MRTFB: variants seen among roughly 807,000 people sequenced by gnomAD.
MRTFB encodes the protein myocardin related transcription factor B, also known as myocardin-related transcription factor B.
MRTFB carries 29 observed loss-of-function variants against 104.2 expected under a neutral mutation model. The ratio of observed to expected loss-of-function variants is 0.28; its 90% confidence interval spans 0.21 to 0.38. The LOEUF is 0.38. MRTFB is among the 10% of genes least tolerant of loss of function. The pLI is 1.00. For missense variants in MRTFB, 1,270 were observed against 1,341.6 expected, an observed-to-expected ratio of 0.95 and a Z score of 0.83; for synonymous variants, 535 against 519.5, an observed-to-expected ratio of 1.03 and a Z score of -0.41.
intron 9 of MRTFB, among the ~76,000 whole-genome samples, chr16:14,235,484 C>G (rs8049506): frequency 6.6e-6 from 1 of 152,218 alleles, no homozygotes; most frequent in African/African-American, 2.4e-5. Context: ...CTCTCCCTCT[C>G]TCTGAATGTC....
At chr16:14,037,099 C>A in the MRTFB span, among the ~76,000 whole-genome samples, 58 of 152,208 alleles carry the variant, frequency 3.8e-4, no homozygotes, top group Non-Finnish European at 6.5e-4. Context: ...CAGATGTGGC[C>A]GATGGGCCAC....
At chr16:14,214,614 A>G (rs2041337887) in intron 6 of MRTFB, among the ~76,000 whole-genome samples, 1 of 152,196 alleles carries the variant, frequency 6.6e-6, no homozygotes, top group Non-Finnish European at 1.5e-5. Context: ...GAGACCCAAC[A>G]AGTGAGCGAG....
In MRTFB at chr16:14,263,791, T is replaced by C. The variant is rs554144223; in HGVS notation, c.*2347T>C. ...ACCTTTATAAACCAGTATTTCACTT[T>C]TAAAAAGACAAGGCATCTCTACCCA... On this transcript the variant is annotated 3_prime_UTR_variant, in exon 17 of 17. Transcript: ENST00000571589. The C allele has an allele frequency of 6.6e-6, 1 of 152,318 alleles. No individual in the cohort carries two copies. Among genetic ancestry groups the C allele is most frequent in the South Asian group, 2.1e-4 (1 of 4,828 alleles). 9.4% of individuals were successfully genotyped at this position (152,318 alleles called of 1,614,324 possible).
chr16:14,070,811 A>C (rs1020097007), upstream of MRTFB, among the ~76,000 whole-genome samples: 2 of 152,236 alleles, frequency 1.3e-5, no homozygotes, highest in African/African-American at 4.8e-5. Context: ...AGACAACCCC[A>C]GATCCCAACA....
chr16:14,025,398 A>C, the MRTFB span, among the ~76,000 whole-genome samples: 1 of 152,122 alleles, frequency 6.6e-6, no homozygotes, highest in Admixed American at 6.5e-5. Flanking sequence ...TGCTCAGCCT[A>C]AGGATGAAGT....
At chr16:14,145,520 C>A (rs532336851) in intron 3 of MRTFB, among the ~76,000 whole-genome samples, 1 of 152,188 alleles carries the variant, frequency 6.6e-6, no homozygotes, top group South Asian at 2.1e-4. Context: ...CAGGATATTC[C>A]CACTATTGGA....
chr16:14,003,660 CCCTCCCTCCCTT>C, the MRTFB span, among the ~76,000 whole-genome samples: 6,741 of 38,384 alleles, frequency 0.18, 493 homozygotes, highest in African/African-American at 0.3. Flanking sequence ...CTCCCTCCCT[CCCTCCCTCCCTT>C]CCTTCCTTCC....
chr16:14,050,344 C>T, the MRTFB span, among the ~76,000 whole-genome samples: 1 of 152,182 alleles, frequency 6.6e-6, no homozygotes, highest in Non-Finnish European at 1.5e-5. Context: ...AAATTTACCT[C>T]TAACATGACC....
At chr16:14,058,464 C>A in the MRTFB span, among the ~76,000 whole-genome samples, 2 of 151,780 alleles carry the variant, frequency 1.3e-5, no homozygotes, top group Non-Finnish European at 2.9e-5. Context: ...GTTTGTTGTA[C>A]ACATCAATCT....
rs186734358 is a variant in MRTFB, at chr16:14,242,257, T to C, written c.1079+1773T>C. 4.6e-5 allele frequency among the ~76,000 whole-genome samples: 7 copies of C among 152,236 alleles called. No individual in the cohort carries two copies. In the East Asian group the frequency reaches 1.4e-3, roughly 29 times the overall value. On this transcript the variant is annotated intron_variant, in intron 10 of 16. Coordinates refer to ENST00000571589, the MANE Select transcript of MRTFB (RefSeq NM_001308142.2). ...GAAGAATCCATCAGAGGTGTGGGCT[T>C]GCTGAACTGTTACCAGTTCTTTGTC...
the MRTFB span, among the ~76,000 whole-genome samples, chr16:14,031,854 C>T: frequency 2.4e-3 from 362 of 152,272 alleles, 4 homozygotes; most frequent in African/African-American, 8.2e-3. Flanking sequence ...GTCACCCAGG[C>T]TGGAGTTCAG....
chr16:14,019,228 G>C, the MRTFB span: 2 of 152,216 alleles, frequency 1.3e-5, no homozygotes, highest in Non-Finnish European at 2.9e-5. Flanking sequence ...TCCTGGATCT[G>C]TGAATCCCGG....
chr16:14,214,181 G>T (rs779704805), intron 6 of MRTFB, among the ~76,000 whole-genome samples: 1 of 152,090 alleles, frequency 6.6e-6, no homozygotes, highest in Non-Finnish European at 1.5e-5. Flanking sequence ...TTAACACATG[G>T]GTCAGGCCAG....
At chr16:14,243,864 G>GTTTGTTTGTTTTTTTTTTTTTT (rs750881308) in intron 10 of MRTFB, among the ~76,000 whole-genome samples, 1 of 124,676 alleles carries the variant, frequency 8.0e-6, no homozygotes, top group African/African-American at 3.8e-5. Context: ...CCTGTTTTGG[G>GTTTGTTTGTTTTTTTTTTTTTT]TTTTTTTTTT....
intron 2 of MRTFB, among the ~76,000 whole-genome samples, chr16:14,101,671 C>G (rs1357708030): frequency 6.6e-6 from 1 of 152,110 alleles, no homozygotes; most frequent in Non-Finnish European, 1.5e-5. Flanking sequence ...TGACAAGATT[C>G]TGTTGAAGAG....
At chr16:14,258,586 G>C (rs2043619332) in intron 16 of MRTFB, among the ~76,000 whole-genome samples, 1 of 152,222 alleles carries the variant, frequency 6.6e-6, no homozygotes, top group South Asian at 2.1e-4. Flanking sequence ...TTTATCCACA[G>C]ATAGATGCCT....
intron 3 of MRTFB, among the ~76,000 whole-genome samples, chr16:14,189,775 A>G (rs1032298091): frequency 1.3e-5 from 2 of 152,192 alleles, no homozygotes; most frequent in Admixed American, 6.5e-5. Context: ...CTTGGGCTCT[A>G]TATGTCTGAT....
chr16:14,037,677 G>T, the MRTFB span, among the ~76,000 whole-genome samples: 17,454 of 152,160 alleles, frequency 0.11, 1,124 homozygotes, highest in East Asian at 0.33. Context: ...AGGTAAATCT[G>T]CAAAGAAAAG....
intron 13 of MRTFB, among the ~76,000 whole-genome samples, chr16:14,250,942 A>G (rs1281651848): frequency 6.6e-6 from 1 of 152,218 alleles, no homozygotes; most frequent in African/African-American, 2.4e-5. Context: ...GCAGGGGGTA[A>G]TGGGAAAAAG....
Sources: gnomAD v4.1 joint callset for allele counts (sites outside exome capture counted in the v4.1 genomes callset) on GRCh38, gnomAD v4.1.1 for gene constraint, MANE v1.5 for transcripts, NCBI Gene and HGNC (gene_info 2026-07-23, HGNC 2026-07-21) for gene names.